The following NCOA2 variants were observed in gnomAD, a reference collection of about 807,000 sequenced individuals.
NCOA2 encodes the protein class E basic helix-loop-helix protein 75.
Under a neutral mutation model 145.1 loss-of-function variants are expected in NCOA2, and 21 were observed. The ratio of observed to expected loss-of-function variants is 0.14; its 90% CI spans 0.10 to 0.21. The LOEUF (loss-of-function observed/expected upper bound fraction) is 0.21, where lower values mean the gene tolerates loss of function less well. NCOA2 is among the 10% of genes least tolerant of loss of function. NCOA2 has a pLI of 1.00. For missense variants in NCOA2, 1,472 were observed against 1,837.6 expected (o/e 0.80, Z 3.64); for synonymous variants, 619 against 637.5 (o/e 0.97, Z 0.44).
At chr8:70,253,133 C>T (rs1299731655) in intron 2 of NCOA2, among the ~76,000 whole-genome samples, 1 of 152,142 alleles carries the variant, frequency 6.6e-6, no homozygotes, top group Non-Finnish European at 1.5e-5. Context: ...AGGGTGATAA[C>T]TGCAGTCACA....
At chr8:70,359,961 TTC>T (rs1229116810) in intron 1 of NCOA2, among the ~76,000 whole-genome samples, 1 of 152,222 alleles carries the variant, frequency 6.6e-6, no homozygotes, top group Non-Finnish European at 1.5e-5. Context: ...TCTTTGATAT[TTC>T]TCTTTCTCTT....
rs111982653 is a variant in NCOA2 at position 70,165,171 on chromosome 8, G to A, written c.730+1395C>T. Among the ~76,000 whole-genome samples the A allele has an allele frequency of 3.9e-3, 588 of 152,142 alleles. 9 individuals are homozygous for A. The highest frequency in any genetic ancestry group is 0.013 in the African/African-American group (560 of 41,490). On this transcript the variant is annotated intron_variant, in intron 7 of 22. Coordinates refer to ENST00000452400, the MANE Select transcript of NCOA2 (RefSeq NM_006540.4). ...TGGATAAATTAGCAGCACTTACTCC[G>A]CTGCATAAAACAAAATAAAATCATT...
chr8:70,376,787 T>G (rs1470986786), intron 1 of NCOA2, among the ~76,000 whole-genome samples: 43 of 152,194 alleles, frequency 2.8e-4, no homozygotes, highest in Admixed American at 2.7e-3. Flanking sequence ...AACACTTATT[T>G]ATTACTATTT....
At chr8:70,116,588 C>T (rs1299148193) in intron 22 of NCOA2, among the ~76,000 whole-genome samples, 1 of 152,084 alleles carries the variant, frequency 6.6e-6, no homozygotes, top group African/African-American at 2.4e-5. Flanking sequence ...TGATTCATAA[C>T]AGCAGCAGAG....
intron 2 of NCOA2, among the ~76,000 whole-genome samples, chr8:70,278,418 T>G (rs1008214444): frequency 6.6e-6 from 1 of 152,196 alleles, no homozygotes; most frequent in Non-Finnish European, 1.5e-5. Flanking sequence ...AACTAGTTTA[T>G]GGTAATGGGA....
chr8:70,376,854 G>A (rs899842832), intron 1 of NCOA2, among the ~76,000 whole-genome samples: 90 of 152,280 alleles, frequency 5.9e-4, no homozygotes, highest in South Asian at 4.1e-4. Flanking sequence ...GCTCAGGGCC[G>A]GCGCTAGGTA....
chr8:70,368,083 C>A (rs1810880553), intron 1 of NCOA2, among the ~76,000 whole-genome samples: 1 of 152,200 alleles, frequency 6.6e-6, no homozygotes, highest in South Asian at 2.1e-4. Context: ...GTTTAGAAAT[C>A]TTAGAAGACA....
chr8:70,249,576 G>A (rs970652531), intron 2 of NCOA2, among the ~76,000 whole-genome samples: 1 of 152,146 alleles, frequency 6.6e-6, no homozygotes, highest in South Asian at 2.1e-4. Flanking sequence ...AACTGGCCCA[G>A]TGCATAGCAT....
chr8:70,331,387 T>C (rs1402791522), intron 1 of NCOA2, among the ~76,000 whole-genome samples: 1 of 152,182 alleles, frequency 6.6e-6, no homozygotes, highest in Non-Finnish European at 1.5e-5. Flanking sequence ...AAATTTTAGC[T>C]TGCTGAAATA....
chr8:70,410,204 T>C, the NCOA2 span, among the ~76,000 whole-genome samples: 1 of 151,964 alleles, frequency 6.6e-6, no homozygotes. Flanking sequence ...AGTGAGATTC[T>C]TGTCCAAAAA....
the NCOA2 span, among the ~76,000 whole-genome samples, chr8:70,423,904 T>C: frequency 6.6e-6 from 1 of 152,164 alleles, no homozygotes; most frequent in African/African-American, 2.4e-5. Flanking sequence ...CAGTCTTCCC[T>C]CAGCTCCGAT....
intron 4 of NCOA2, among the ~76,000 whole-genome samples, chr8:70,202,762 C>T (rs1232207557): frequency 6.6e-6 from 1 of 152,144 alleles, no homozygotes; most frequent in Non-Finnish European, 1.5e-5. Context: ...CACTGTACAA[C>T]AATGTGCATA....
intron 12 of NCOA2, 96 bp downstream of exon 12, chr8:70,148,177 G>C: frequency 1.6e-6 from 2 of 1,254,656 alleles, no homozygotes; most frequent in African/African-American, 1.5e-5. Context: ...AAACCTTAAA[G>C]TGACTAAGCT....
At chr8:70,437,257 T>G in the NCOA2 span, among the ~76,000 whole-genome samples, 3 of 152,190 alleles carry the variant, frequency 2.0e-5, no homozygotes, top group African/African-American at 7.2e-5. Context: ...GCCTTGGAGA[T>G]CAAATCCTCT....
chr8:70,393,889 G>A (rs1204290436), intron 1 of NCOA2, among the ~76,000 whole-genome samples: 2 of 152,144 alleles, frequency 1.3e-5, no homozygotes, highest in Admixed American at 1.3e-4. Context: ...GCCCTTCAAC[G>A]TCCAGGCATT....
intron 1 of NCOA2, among the ~76,000 whole-genome samples, chr8:70,396,801 G>T (rs139403597): frequency 6.6e-6 from 1 of 152,086 alleles, no homozygotes; most frequent in African/African-American, 2.4e-5. Flanking sequence ...TCCTTCTTAC[G>T]GACTTAACAA....
intron 4 of NCOA2, among the ~76,000 whole-genome samples, chr8:70,208,141 G>T (rs1457127961): frequency 6.6e-6 from 1 of 151,848 alleles, no homozygotes; most frequent in Non-Finnish European, 1.5e-5. Context: ...CCTTTTTGCT[G>T]ATATGCACAA....
intron 2 of NCOA2, among the ~76,000 whole-genome samples, chr8:70,283,045 G>C (rs917939763): frequency 6.6e-6 from 1 of 152,212 alleles, no homozygotes; most frequent in Non-Finnish European, 1.5e-5. Flanking sequence ...ATTCAGTACA[G>C]ACAGAGCTTG....
upstream of NCOA2, among the ~76,000 whole-genome samples, chr8:70,404,171 G>A (rs1274074737): frequency 6.6e-6 from 1 of 152,244 alleles, no homozygotes; most frequent in Non-Finnish European, 1.5e-5. Context: ...GGGGACAGGG[G>A]ACAAAATGGG....
Sources: gnomAD v4.1 joint callset for allele counts (sites outside exome capture counted in the v4.1 genomes callset) on GRCh38, gnomAD v4.1.1 for gene constraint, MANE v1.5 for transcripts, NCBI Gene and HGNC (gene_info 2026-07-23, HGNC 2026-07-21) for gene names.